Variants in KDM1B observed in about 807,000 individuals in gnomAD.
KDM1B encodes the protein lysine-specific histone demethylase 2.
A neutral mutation model predicts 107.4 loss-of-function variants in KDM1B; 63 were observed. The observed-to-expected ratio is 0.59, with a 90% CI of 0.48 to 0.72. KDM1B has a LOEUF of 0.72. Ranked by LOEUF, KDM1B falls within the 30% of genes least tolerant of loss-of-function variation. The pLI, the probability that KDM1B is intolerant of heterozygous loss-of-function variation, is 0.00. For missense variants in KDM1B, 749 were observed against 1,020.8 expected (o/e 0.73, Z 3.63); for synonymous variants, 363 against 363.9 (o/e 1.00, Z 0.03).
chr6:18,184,510 G>C (rs1311497387), intron 7 of KDM1B, among the ~76,000 whole-genome samples: 1 of 151,454 alleles, frequency 6.6e-6, no homozygotes, highest in Non-Finnish European at 1.5e-5. Flanking sequence ...CCTGACCTTA[G>C]GTGATCCACC....
intron 16 of KDM1B, 125 bp downstream of exon 16, chr6:18,207,654 T>C (rs1788479377): frequency 2.7e-6 from 3 of 1,120,686 alleles, no homozygotes; most frequent in Admixed American, 2.0e-5. Context: ...AGAAGTACTT[T>C]TGTGGCTCAT....
rs780445274 is a variant in KDM1B at position 18,215,076 on chromosome 6, A to C, written c.2179A>C (p.Lys727Gln). Residue 727 changes from lysine to glutamine, a missense_variant, in exon 20 of 22, where the codon AAA (lysine) becomes CAA (glutamine). Physicochemically the swap from Lys to Gln is moderately conservative, Grantham distance 53. Transcript: ENST00000650836. ...CGCATCCGTGAGGACCCTGGATGAC[A>C]AACAGGTGCTGCAGCAGTGCATGGC... ...AVASVRTLDD[K>Q]QVLQQCMATL... The C allele has an allele frequency of 1.1e-5, 17 of 1,613,906 alleles. No individual in the cohort carries two copies. Among genetic ancestry groups the C allele is most frequent in the Non-Finnish European group, 1.4e-5 (16 of 1,179,982 alleles).
chr6:18,157,480 A>G (rs1261458312), intron 2 of KDM1B, among the ~76,000 whole-genome samples: 4 of 152,184 alleles, frequency 2.6e-5, no homozygotes, highest in African/African-American at 4.8e-5. Flanking sequence ...TTGAGAATGC[A>G]TACCTTCCCA....
chr6:18,187,018 A>C (rs1294745171), intron 8 of KDM1B, among the ~76,000 whole-genome samples: 1 of 137,696 alleles, frequency 7.3e-6, no homozygotes, highest in Admixed American at 7.2e-5. Context: ...TCCAGGCTCC[A>C]GAATAGACAT....
In KDM1B at chr6:18,171,419, G is replaced by C. The variant is rs755123645; in HGVS notation, c.474G>C (p.Gln158His). 9.9e-6 allele frequency: 16 copies of C among 1,613,730 alleles called. No homozygotes were observed. In the South Asian group the frequency reaches 1.6e-4, roughly 17 times the overall value. Residue 158 changes from glutamine to histidine, a missense_variant, in exon 7 of 22, where the codon CAG becomes CAC. Gln to His is a conservative substitution (Grantham distance 24). Transcript: ENST00000650836. ...GGAGGCAGCTTACCAAGGAAATCCA[G>C]CTTACTCCACAGATAGCCAAGACTT... is the stretch of plus-strand genomic sequence containing the variant. ...RKWRQLTKEI[Q>H]LTPQIAKTYR...
rs1432952043 is a variant in KDM1B, at chr6:18,208,213, G to A, written c.1866+7G>A. Reference sequence around the variant, plus strand: ...AGGGTATTCTGCACAAAAGGTAAGAGCTAGGGCAGTACAAGGGTGGGTAGA... The same window carrying A: ...AGGGTATTCTGCACAAAAGGTAAGAACTAGGGCAGTACAAGGGTGGGTAGA... On this transcript the variant is annotated splice_region_variant and intron_variant, in intron 17 of 21. Coordinates refer to ENST00000650836, the MANE Select transcript of KDM1B (RefSeq NM_001364614.2). 1 of 1,608,500 alleles carries A rather than the reference G, an allele frequency of 6.2e-7. No individual in the cohort carries two copies. The highest frequency in any genetic ancestry group is 8.5e-7 in the Non-Finnish European group (1 of 1,175,902).
In KDM1B at chr6:18,208,189, G is replaced by A; in HGVS notation, c.1849G>A (p.Gly617Arg). The A allele has an allele frequency of 3.7e-6, 6 of 1,613,422 alleles. No homozygotes were observed. Among genetic ancestry groups the A allele is most frequent in the Non-Finnish European group, 5.1e-6 (6 of 1,179,518 alleles). Residue 617 changes from glycine (G) to arginine (R), a missense_variant, in exon 17 of 22, where the codon GGG (glycine) becomes AGG (arginine). Transcript: ENST00000650836. The stretch of plus-strand genomic sequence containing the variant: ...GCAGGTTACCACTACAGATGGCACA[G>A]GGTATTCTGCACAAAAGGTAAGAGC... ...EVQVTTTDGT[G>R]YSAQKVLVTV...
chr6:18,198,165 G>A (rs1561939177), intron 12 of KDM1B, among the ~76,000 whole-genome samples: 1 of 151,892 alleles, frequency 6.6e-6, no homozygotes, highest in Non-Finnish European at 1.5e-5. Context: ...CAAAGTGCTG[G>A]GATTACAGAT....
intron 7 of KDM1B, among the ~76,000 whole-genome samples, chr6:18,180,062 C>A (rs115913150): frequency 6.9e-6 from 1 of 145,688 alleles, no homozygotes; most frequent in Admixed American, 6.9e-5. Context: ...TTAATAGAGA[C>A]GGGGTTTTGC....
Position 18,162,747 on chromosome 6 carries a change from A to G in KDM1B, c.216-88A>G, listed in dbSNP as rs982382925. 27 of 752,790 alleles carry G rather than the reference A, an allele frequency of 3.6e-5. No individual in the cohort carries two copies. In the South Asian group the frequency reaches 4.0e-4, roughly 11 times the overall value. The allele number at this position is 752,790 out of a possible 1,614,324, so 46.6% of individuals were successfully genotyped here. On this transcript the variant is annotated intron_variant, in intron 4 of 21. Transcript: ENST00000650836. This position sits in a 1 kb window ranked among gnomAD's most constrained non-coding sequence, Gnocchi z 4.1. ...AGTGGAGATAATGCAAAATGGGTTCATAGATGGTGCTTGCAAGATGTTTTT... is the reference window on the plus strand; with the variant it reads ...AGTGGAGATAATGCAAAATGGGTTCGTAGATGGTGCTTGCAAGATGTTTTT...
chr6:18,214,949 C>T lies in KDM1B; in HGVS notation c.2110-58C>T. 1.9e-6 allele frequency: 3 copies of T among 1,561,562 alleles called. No homozygotes were observed. Among genetic ancestry groups the T allele is most frequent in the Non-Finnish European group, 2.6e-6 (3 of 1,153,700 alleles). On this transcript the variant is annotated intron_variant, in intron 19 of 21. Coordinates refer to ENST00000650836, the MANE Select transcript of KDM1B (RefSeq NM_001364614.2). The surrounding 1 kb of genome is among the most constrained non-coding windows in gnomAD (Gnocchi z 4.4). The stretch of plus-strand genomic sequence containing the variant: ...AAAACAAAAAACAAAAAAAAGAGGC[C>T]CTTATCTGTGGGAGCTGAGCACTCA...
intron 7 of KDM1B, among the ~76,000 whole-genome samples, chr6:18,174,607 C>T (rs1410051913): frequency 6.7e-6 from 1 of 149,954 alleles, no homozygotes; most frequent in Admixed American, 6.7e-5. Flanking sequence ...TTGTCCCTAG[C>T]CCCCCTTCTA....
intron 17 of KDM1B, among the ~76,000 whole-genome samples, chr6:18,208,952 C>T (rs1254798771): frequency 2.6e-5 from 4 of 151,868 alleles, no homozygotes; most frequent in Admixed American, 1.3e-4. Flanking sequence ...CTGTGCTCCG[C>T]CCAAATAGAA....
chr6:18,165,128 ATTTTT>A (rs35906579), intron 5 of KDM1B, among the ~76,000 whole-genome samples: 21 of 81,570 alleles, frequency 2.6e-4, no homozygotes, highest in African/African-American at 9.7e-4. Context: ...GCCTTCTCTG[ATTTTT>A]TTTTTTTTTT....
chr6:18,188,208 G>A (rs2150920211), intron 9 of KDM1B, among the ~76,000 whole-genome samples: 1 of 152,250 alleles, frequency 6.6e-6, no homozygotes, highest in Non-Finnish European at 1.5e-5. Context: ...AACATAGCGA[G>A]ATCTCGTCTC....
chr6:18,165,228 A>C (rs561351557), intron 5 of KDM1B, among the ~76,000 whole-genome samples: 159 of 134,994 alleles, frequency 1.2e-3, no homozygotes, highest in African/African-American at 4.2e-3. Context: ...CTGCCTCCCA[A>C]GTTCACACCA....
rs1789036305 is a variant in KDM1B, at chr6:18,213,936, T to C, written c.2109+155T>C. Among the ~76,000 whole-genome samples, 1 of 152,214 alleles carries C rather than the reference T, an allele frequency of 6.6e-6. No homozygotes were observed. The highest frequency in any genetic ancestry group is 1.5e-5 in the Non-Finnish European group (1 of 68,046). On this transcript the variant is annotated intron_variant, in intron 19 of 21. Transcript: ENST00000650836. This position sits in a 1 kb window ranked among gnomAD's most constrained non-coding sequence, Gnocchi z 5.9. ...GGGAGGACACTTGGACTGGACATTT[T>C]CCTATAGGAAAGGAGCCCCAGTATT...
intron 20 of KDM1B, among the ~76,000 whole-genome samples, chr6:18,217,126 T>C (rs1474454021): frequency 6.6e-6 from 1 of 152,178 alleles, no homozygotes; most frequent in African/African-American, 2.4e-5. Flanking sequence ...GCCCGAACTC[T>C]TAGCCATGGG....
intron 2 of KDM1B, among the ~76,000 whole-genome samples, chr6:18,156,242 G>A (rs1296486210): frequency 6.6e-6 from 1 of 152,192 alleles, no homozygotes. Context: ...AGGAGGGGTG[G>A]CCCGATTAGG....
Sources: gnomAD v4.1 joint callset for allele counts (sites outside exome capture counted in the v4.1 genomes callset) on GRCh38, gnomAD v4.1.1 for gene constraint, Gnocchi (gnomAD v3.1) non-coding constraint, MANE v1.5 for transcripts, NCBI Gene and HGNC (gene_info 2026-07-23, HGNC 2026-07-21) for gene names.